ITFG1: variants seen among roughly 807,000 people sequenced by gnomAD.
ITFG1 encodes the protein T-cell immunomodulatory protein.
A neutral mutation model predicts 81.8 loss-of-function variants in ITFG1; 34 were observed. The observed-to-expected ratio is 0.42, with a 90% CI of 0.32 to 0.55. The LOEUF is 0.55. Among genes scored for constraint, ITFG1 ranks in the 20% least tolerant of loss-of-function variants. The pLI, the probability that ITFG1 is intolerant of heterozygous loss-of-function variation, is 0.17. For missense variants in ITFG1, 672 were observed against 755.4 expected, an observed-to-expected ratio of 0.89 and a Z score of 1.29; for synonymous variants, 285 against 270.6, an observed-to-expected ratio of 1.05 and a Z score of -0.52.
intron 10 of ITFG1, among the ~76,000 whole-genome samples, chr16:47,284,426 G>A (rs981331248): frequency 6.6e-6 from 1 of 152,064 alleles, no homozygotes; most frequent in Non-Finnish European, 1.5e-5. Context: ...TACAAAACGC[G>A]TTCCTCACAC....
intron 5 of ITFG1, among the ~76,000 whole-genome samples, chr16:47,441,631 C>A (rs1021692577): frequency 7.9e-5 from 12 of 152,128 alleles, no homozygotes; most frequent in East Asian, 3.9e-4. Flanking sequence ...ATTCAACAAC[C>A]CTTCATGCTA....
intron 6 of ITFG1, among the ~76,000 whole-genome samples, chr16:47,411,923 A>G (rs1263145239): frequency 6.6e-6 from 1 of 152,152 alleles, no homozygotes; most frequent in Non-Finnish European, 1.5e-5. Flanking sequence ...ATAGCAACCT[A>G]TATTACACCA....
At chr16:47,242,855 A>G (rs925481406) in intron 12 of ITFG1, among the ~76,000 whole-genome samples, 4 of 152,224 alleles carry the variant, frequency 2.6e-5, no homozygotes, top group Admixed American at 2.0e-4. Context: ...GAACTGGGTT[A>G]GTAACTAATA....
chr16:47,384,429 A>G (rs1473470691), intron 6 of ITFG1, among the ~76,000 whole-genome samples: 1 of 152,180 alleles, frequency 6.6e-6, no homozygotes, highest in Non-Finnish European at 1.5e-5. Flanking sequence ...TCTTTTTTTA[A>G]CTATTCTTAG....
intron 12 of ITFG1, among the ~76,000 whole-genome samples, chr16:47,258,117 TGGTGATCATCAA>T (rs1297068949): frequency 6.6e-6 from 1 of 152,156 alleles, no homozygotes; most frequent in Non-Finnish European, 1.5e-5. Flanking sequence ...TAGAGAAACT[TGGTGATCATCAA>T]GGTGACCAGG....
At chr16:47,317,916 G>C (rs1233144681) in intron 8 of ITFG1, 1 of 152,054 alleles carries the variant, frequency 6.6e-6, no homozygotes, top group African/African-American at 2.4e-5. Flanking sequence ...ATGTCTTTTA[G>C]ACACGTCAGC....
intron 7 of ITFG1, among the ~76,000 whole-genome samples, chr16:47,369,588 T>C: frequency 6.6e-6 from 1 of 152,226 alleles, no homozygotes; most frequent in East Asian, 1.9e-4. Flanking sequence ...CTTTTACTTT[T>C]GGATTGGAAT....
intron 8 of ITFG1, among the ~76,000 whole-genome samples, chr16:47,331,947 TC>T (rs1191525550): frequency 6.6e-6 from 1 of 152,104 alleles, no homozygotes; most frequent in Non-Finnish European, 1.5e-5. Context: ...ATACATAATC[TC>T]CTCAAATACC....
chr16:47,377,691 C>T (rs1369857075), intron 6 of ITFG1, among the ~76,000 whole-genome samples: 1 of 152,160 alleles, frequency 6.6e-6, no homozygotes, highest in Non-Finnish European at 1.5e-5. Flanking sequence ...ACATAGCTTT[C>T]CCTCCGCTGT....
At chr16:47,336,564 A>G (rs1286717249) in intron 8 of ITFG1, among the ~76,000 whole-genome samples, 1 of 152,250 alleles carries the variant, frequency 6.6e-6, no homozygotes, top group Non-Finnish European at 1.5e-5. Flanking sequence ...AGCAGCAGAC[A>G]TTACTCAAAA....
chr16:47,184,308 C>G (rs905519255), intron 14 of ITFG1, among the ~76,000 whole-genome samples: 4 of 152,068 alleles, frequency 2.6e-5, no homozygotes, highest in African/African-American at 9.7e-5. Flanking sequence ...AGAAGAGCAA[C>G]TCCAGGACAC....
chr16:47,380,604 G>A (rs1161566137), intron 6 of ITFG1, among the ~76,000 whole-genome samples: 1 of 152,146 alleles, frequency 6.6e-6, no homozygotes, highest in Non-Finnish European at 1.5e-5. Flanking sequence ...AGGCAGGGTG[G>A]GAGTTGGAAG....
At chr16:47,180,529 C>T (rs1010658240) in intron 14 of ITFG1, among the ~76,000 whole-genome samples, 3 of 152,046 alleles carry the variant, frequency 2.0e-5, no homozygotes, top group Admixed American at 6.5e-5. Context: ...ATTGCAGGCA[C>T]GCGCCGCCAC....
intron 6 of ITFG1, among the ~76,000 whole-genome samples, chr16:47,384,048 TG>T (rs1334245877): frequency 8.5e-5 from 13 of 152,216 alleles, no homozygotes; most frequent in Non-Finnish European, 1.6e-4. Context: ...CTCCTAGTCA[TG>T]GGGTATGTGT....
intron 14 of ITFG1, among the ~76,000 whole-genome samples, chr16:47,172,765 ATTC>A (rs933712655): frequency 2.2e-4 from 34 of 152,268 alleles, no homozygotes; most frequent in African/African-American, 8.2e-4. Context: ...TGCCTGAATT[ATTC>A]TTATTATTTA....
Position 47,187,138 on chromosome 16 carries a change from C to T in ITFG1, c.1454-24474G>A, listed in dbSNP as rs550825128. On this transcript the variant is annotated intron_variant, in intron 14 of 17. Transcript: ENST00000320640. Reference sequence around the variant, plus strand: ...GATACAAACAAATGGAAGAACATTCCATGCTCATGGGTAGGAAGAATAAAT... The same window carrying T: ...GATACAAACAAATGGAAGAACATTCTATGCTCATGGGTAGGAAGAATAAAT... Among the ~76,000 whole-genome samples, 31 of 152,252 alleles carry T rather than the reference C, an allele frequency of 2.0e-4. No individual in the cohort carries two copies. In the East Asian group the frequency reaches 5.0e-3, roughly 25 times the overall value.
rs1308059663 is a variant in ITFG1, at chr16:47,154,412, A to T, written c.*1307T>A. ...TTTGTTTCAATAAGGAATATTTATT[A>T]AGAAGACATGTTAACATGCTTAGAT... On this transcript the variant is annotated 3_prime_UTR_variant, in exon 18 of 18. Transcript: ENST00000320640. 1.3e-5 allele frequency: 2 copies of T among 152,372 alleles called. No individual in the cohort carries two copies. Among genetic ancestry groups the T allele is most frequent in the East Asian group, 3.9e-4 (2 of 5,194 alleles). 9.4% of individuals were successfully genotyped at this position (152,372 alleles called of 1,614,324 possible).
intron 10 of ITFG1, among the ~76,000 whole-genome samples, chr16:47,307,376 A>T (rs948298973): frequency 1.3e-5 from 2 of 152,114 alleles, no homozygotes; most frequent in African/African-American, 2.4e-5. Flanking sequence ...CTCACTGTCT[A>T]CAGAGGTTTC....
At chr16:47,373,317 T>TC (rs373555967) in intron 7 of ITFG1, among the ~76,000 whole-genome samples, 60 of 152,102 alleles carry the variant, frequency 3.9e-4, no homozygotes, top group African/African-American at 1.4e-3. Flanking sequence ...AGTTTTGCTC[T>TC]TGTCGCCCAG....
Sources: gnomAD v4.1 joint callset for allele counts (sites outside exome capture counted in the v4.1 genomes callset) on GRCh38, gnomAD v4.1.1 for gene constraint, MANE v1.5 for transcripts, NCBI Gene and HGNC (gene_info 2026-07-23, HGNC 2026-07-21) for gene names.